NPAS1: variants seen among roughly 807,000 people sequenced by gnomAD.
NPAS1 encodes neuronal PAS domain protein 1, also known as neuronal PAS domain-containing protein 1.
Under a neutral mutation model 49.2 loss-of-function variants are expected in NPAS1, and 29 were observed. That is an observed-to-expected ratio of 0.59 (90% CI 0.44 to 0.80). The LOEUF is 0.80. NPAS1 is among the 30% of genes least tolerant of loss of function. The pLI is 0.00. For synonymous variants in NPAS1, 408 were observed against 380.4 expected, an observed-to-expected ratio of 1.07 and a Z score of -0.84; for missense variants, 825 against 835.5, an observed-to-expected ratio of 0.99 and a Z score of 0.15.
At position 47,045,492 on chromosome 19, in the gene NPAS1, A is replaced by T. The variant is rs1344809370; in HGVS notation, c.1614A>T (p.Thr538=). 1 of 1,559,346 alleles carries T rather than the reference A, an allele frequency of 6.4e-7. No individual in the cohort carries two copies. The highest frequency in any genetic ancestry group is 1.9e-5 in the Admixed American group (1 of 52,680). Residue 538 remains threonine, a synonymous_variant, in exon 12 of 12, where the codon ACA becomes ACT. Coordinates refer to ENST00000602212, the MANE Select transcript of NPAS1 (RefSeq NM_002517.4). ...CGCCGGTGGTGCGGGGCCTGTGCAC[A>T]CCCGGCACCATCCGCTACGGCCCCG... is the stretch of plus-strand genomic sequence containing the variant. ...FLPPVVRGLC[T]PGTIRYGPAE...
intron 3 of NPAS1, among the ~76,000 whole-genome samples, chr19:47,031,199 T>G (rs550105791): frequency 0.01 from 1,538 of 150,576 alleles, 39 homozygotes; most frequent in African/African-American, 0.034. Context: ...GTGTGTTTTT[T>G]TTTTTTTTTT....
At chr19:47,039,376 T>TGGGG in intron 7 of NPAS1, 31 bp from the exon 8 acceptor site, 1 of 1,610,182 alleles carries the variant, frequency 6.2e-7, no homozygotes, top group African/African-American at 1.3e-5. Flanking sequence ...GCCCGCCTTG[T>TGGGG]CCCTCCTCCA....
chr19:47,036,619 C>T (rs1240096498), intron 6 of NPAS1, among the ~76,000 whole-genome samples: 1 of 151,830 alleles, frequency 6.6e-6, no homozygotes, highest in East Asian at 1.9e-4. Flanking sequence ...AAGCTGTAGC[C>T]CCAGCACTTT....
At chr19:47,020,847 G>T (rs1599889203) in intron 1 of NPAS1, 159 bp from the exon 2 acceptor site, 1 of 414,448 alleles carries the variant, frequency 2.4e-6, no homozygotes, top group African/African-American at 2.1e-5. Flanking sequence ...GGCCGGCTAG[G>T]GTGGGAGCTG....
At chr19:47,041,979 CAAAAAAAAAAAA>C (rs369320245) in intron 10 of NPAS1, among the ~76,000 whole-genome samples, 69,096 of 95,916 alleles carry the variant, frequency 0.72, 23,050 homozygotes, top group Non-Finnish European at 0.77. Context: ...GACCCTGTCT[CAAAAAAAAAAAA>C]AAAAAAAAAA....
chr19:47,042,660 T>C lies in NPAS1; in HGVS notation c.1218-150T>C, dbSNP rs116621574. ...TAGAAGTCAACCCGGAGTTTAGGGA[T>C]CTGGTGTTGAGCCTTGTAAGTGCCT... is the stretch of plus-strand genomic sequence containing the variant. On this transcript the variant is annotated intron_variant, in intron 10 of 11. Coordinates refer to ENST00000602212, the MANE Select transcript of NPAS1 (RefSeq NM_002517.4). 1.9e-3 allele frequency: 1,015 copies of C among 542,766 alleles called. 8 individuals are homozygous for C. The highest frequency in any genetic ancestry group is 0.018 in the African/African-American group (906 of 50,196). The allele number at this position is 542,766 out of a possible 1,614,324, so 33.6% of individuals were successfully genotyped here.
At chr19:47,030,621 T>A (rs2056899053) in intron 3 of NPAS1, among the ~76,000 whole-genome samples, 1 of 146,740 alleles carries the variant, frequency 6.8e-6, no homozygotes. Flanking sequence ...TGAGCCACCG[T>A]GCCTGGCCCT....
rs1244710752 is a variant in NPAS1 at position 47,045,338 on chromosome 19, C to T, written c.1460C>T (p.Pro487Leu). ...DSGDEDPSSH[P>L]ATPRPEFTSV... The stretch of plus-strand genomic sequence containing the variant: ...GGCGACGAGGATCCCTCCAGCCACC[C>T]GGCCACACCGAGGCCCGAGTTCACC... Residue 487 changes from proline (P) to leucine (L), a missense_variant, in exon 12 of 12, where the codon CCG becomes CTG. By Grantham distance (98) the Pro-to-Leu change is moderately conservative (BLOSUM62 -3). Transcript: ENST00000602212. 5 of 1,613,830 alleles carry T rather than the reference C, an allele frequency of 3.1e-6. No homozygotes were observed. Among genetic ancestry groups the T allele is most frequent in the Non-Finnish European group, 4.2e-6 (5 of 1,179,990 alleles).
Position 47,042,891 on chromosome 19 carries a change from G to T in NPAS1, c.1299G>T (p.Gly433=). Residue 433 remains glycine (G), a synonymous_variant, in exon 11 of 12, where the codon GGG becomes GGT. Coordinates refer to ENST00000602212, the MANE Select transcript of NPAS1 (RefSeq NM_002517.4). ...SVACEEASSP[G]PEPTEPEPPT... ...CCTGTGAGGAGGCATCCAGCCCGGG[G>T]CCAGAGCCCACAGGTGAGCCCCACC... is the stretch of plus-strand genomic sequence containing the variant. The T allele has an allele frequency of 6.2e-7, 1 of 1,600,720 alleles. No homozygotes were observed. The highest frequency in any genetic ancestry group is 1.1e-5 in the South Asian group (1 of 88,716).
chr19:47,045,226 C>T lies in NPAS1; in HGVS notation c.1348C>T (p.Pro450Ser), dbSNP rs369353701. 3.1e-6 allele frequency: 5 copies of T among 1,613,708 alleles called. No homozygotes were observed. In the African/African-American group the frequency reaches 6.7e-5, roughly 22 times the overall value. The part of the protein sequence containing the change: ...EPPTEGKQAA[P>S]AENEAPQTQG... Reference sequence around the variant, plus strand: ...TCCGACGGAAGGGAAGCAGGCTGCCCCAGCGGAGAACGAGGCCCCCCAGAC... The same window carrying T: ...TCCGACGGAAGGGAAGCAGGCTGCCTCAGCGGAGAACGAGGCCCCCCAGAC... The change falls in exon 12 of 12, where the codon CCA becomes TCA. Residue 450 changes from proline (P) to serine (S), a missense_variant. Pro to Ser is a moderately conservative substitution (Grantham distance 74, BLOSUM62 -1). Transcript: ENST00000602212.
intron 5 of NPAS1, chr19:47,035,219 A>AAGAAGAAGAAGAAGAAGAAGAAGG (rs747972677): frequency 6.7e-6 from 1 of 149,194 alleles, no homozygotes; most frequent in African/African-American, 2.5e-5. Context: ...GAAGAAGAAG[A>AAGAAGAAGAAGAAGAAGAAGAAGG]AGGAAAGGCT....
intron 3 of NPAS1, among the ~76,000 whole-genome samples, chr19:47,024,710 C>T (rs1287058395): frequency 6.6e-6 from 1 of 152,042 alleles, no homozygotes; most frequent in Admixed American, 6.6e-5. Flanking sequence ...GGCCTCAGTC[C>T]TCCATCTGTG....
chr19:47,020,892 A>AG (rs1400470211), intron 1 of NPAS1, 114 bp from the exon 2 acceptor site: 4 of 393,796 alleles, frequency 1.0e-5, no homozygotes, highest in Non-Finnish European at 1.7e-5. Context: ...GGCATCATCC[A>AG]GGCCCCCCCC....
At chr19:47,041,888 G>C (rs1053695604) in intron 10 of NPAS1, among the ~76,000 whole-genome samples, 2 of 151,480 alleles carry the variant, frequency 1.3e-5, no homozygotes, top group Non-Finnish European at 2.9e-5. Context: ...GCTGAGGTGG[G>C]AGGATCACCT....
At chr19:47,036,840 C>T (rs1403622257) in intron 6 of NPAS1, among the ~76,000 whole-genome samples, 1 of 151,842 alleles carries the variant, frequency 6.6e-6, no homozygotes, top group East Asian at 1.9e-4. Flanking sequence ...AGAGATTGTG[C>T]CACTGCACTC....
chr19:47,044,593 C>G (rs2122565332), intron 11 of NPAS1, among the ~76,000 whole-genome samples: 1 of 152,320 alleles, frequency 6.6e-6, no homozygotes, highest in Middle Eastern at 3.4e-3. Context: ...ATTTTAGGGC[C>G]AGGTGATTCT....
At chr19:47,033,748 A>G (rs993109373) in intron 5 of NPAS1, among the ~76,000 whole-genome samples, 1 of 151,298 alleles carries the variant, frequency 6.6e-6, no homozygotes, top group Admixed American at 6.6e-5. Context: ...ACCTGAGGCC[A>G]GGAATTCAAA....
chr19:47,021,927 G>GC lies in NPAS1; in HGVS notation c.358+83dup. ...CAGCCCAGATCCGGGCTGCGGGCCT[G>GC]CCCTCGCCCAGATGCTTGTCTCTGG... On this transcript the variant is annotated intron_variant, in intron 3 of 11. Coordinates refer to ENST00000602212, the MANE Select transcript of NPAS1 (RefSeq NM_002517.4). The surrounding 1 kb of genome is among the most constrained non-coding windows in gnomAD (Gnocchi z 5.7). 1.1e-6 allele frequency: 1 copy of GC among 936,168 alleles called. No individual in the cohort carries two copies. The highest frequency in any genetic ancestry group is 2.2e-5 in the South Asian group (1 of 46,498). 58.0% of individuals were successfully genotyped at this position (936,168 alleles called of 1,614,324 possible).
At position 47,039,289 on chromosome 19, in the gene NPAS1, C is replaced by T. The variant is rs1457384246; in HGVS notation, c.805-118C>T. 2.0e-6 allele frequency: 3 copies of T among 1,486,194 alleles called. No homozygotes were observed. The African/African-American group carries it at 4.2e-5, about 21-fold the overall frequency. 92.1% of individuals were successfully genotyped at this position (1,486,194 alleles called of 1,614,324 possible). A position where few individuals can be genotyped will look rare whatever the true frequency, so the allele number is the denominator to read the frequency against. ...GGTCTGGGAATGGGACTGGGGGGGT[C>T]ACACAGTGTCCAGTCCTCCAGCACC... On this transcript the variant is annotated intron_variant, in intron 7 of 11. Transcript: ENST00000602212.
Sources: allele counts gnomAD v4.1 joint callset (sites outside exome capture counted in the v4.1 genomes callset), GRCh38; gene constraint gnomAD v4.1.1; non-coding constraint Gnocchi (gnomAD v3.1); transcripts MANE v1.5; gene names NCBI Gene and HGNC (gene_info 2026-07-23, HGNC 2026-07-21).